Variants in PRKAR2B observed in about 807,000 individuals in gnomAD.
PRKAR2B encodes protein kinase cAMP-dependent type II regulatory subunit beta.
In PRKAR2B, 14 loss-of-function variants were observed where a neutral mutation model predicts 49.9. The ratio of observed to expected loss-of-function variants is 0.28; its 90% CI spans 0.19 to 0.44. The LOEUF (loss-of-function observed/expected upper bound fraction) is 0.44, where lower values mean the gene tolerates loss of function less well. PRKAR2B is among the 20% of genes least tolerant of loss of function. The probability of loss-of-function intolerance (pLI) is 1.00; values close to 1 mark genes in which losing one functional copy is unlikely to be tolerated. For synonymous variants in PRKAR2B, 196 were observed against 197.7 expected (o/e 0.99, Z 0.07); for missense variants, 393 against 537.9 (o/e 0.73, Z 2.67).
chr7:107,153,896 T>G (rs1048225717), intron 8 of PRKAR2B, among the ~76,000 whole-genome samples: 2 of 152,254 alleles, frequency 1.3e-5, no homozygotes, highest in Non-Finnish European at 2.9e-5. Context: ...AAATGGATTT[T>G]TAATAGATTC....
At chr7:107,094,270 G>A (rs1794793451) in intron 2 of PRKAR2B, among the ~76,000 whole-genome samples, 1 of 152,180 alleles carries the variant, frequency 6.6e-6, no homozygotes, top group Admixed American at 6.5e-5. Context: ...CAGTGATGAT[G>A]AACATTTTTT....
At chr7:107,089,806 A>G (rs1339754958) in intron 2 of PRKAR2B, among the ~76,000 whole-genome samples, 2 of 152,220 alleles carry the variant, frequency 1.3e-5, no homozygotes, top group Non-Finnish European at 1.5e-5. Context: ...ATTCTCTACT[A>G]GCACAGATAA....
rs567791710 is a variant in PRKAR2B, at chr7:107,157,224, C to T, written c.1023C>T (p.Ile341=). 5.0e-6 allele frequency: 8 copies of T among 1,614,124 alleles called. No homozygotes were observed. Among genetic ancestry groups the T allele is most frequent in the African/African-American group, 1.3e-5 (1 of 75,048 alleles). Residue 341 remains isoleucine, a synonymous_variant, in exon 10 of 11, where the codon ATC becomes ATT. Transcript: ENST00000265717. The part of the protein sequence containing the change: ...SEVEENGAVE[I]ARCSRGQYFG... ...TGGAAGAGAATGGTGCAGTAGAAAT[C>T]GCTCGATGCTCGCGGGGACAGTACT... is the stretch of plus-strand genomic sequence containing the variant.
chr7:107,064,591 G>T (rs1239689361), intron 1 of PRKAR2B, among the ~76,000 whole-genome samples: 1 of 152,196 alleles, frequency 6.6e-6, no homozygotes, highest in African/African-American at 2.4e-5. Context: ...TTCATAATCT[G>T]TGTCTCCTTG....
chr7:107,125,464 AC>A (rs1741866920), intron 3 of PRKAR2B, among the ~76,000 whole-genome samples: 1 of 152,234 alleles, frequency 6.6e-6, no homozygotes, highest in African/African-American at 2.4e-5. Context: ...CCTCTAGTAC[AC>A]TAAAATCACA....
rs187978179 is a variant in PRKAR2B at position 107,146,561 on chromosome 7, C to T, written c.741+100C>T. 8 of 1,297,866 alleles carry T rather than the reference C, an allele frequency of 6.2e-6. No homozygotes were observed. In the East Asian group the frequency reaches 1.7e-4, roughly 28 times the overall value. 80.4% of individuals were successfully genotyped at this position (1,297,866 alleles called of 1,614,324 possible). On this transcript the variant is annotated intron_variant, in intron 6 of 10. Transcript: ENST00000265717. ...TGTAGTATTTTAATTTAAAGATCAT[C>T]AGTCATCAGGTAATTTATTAAGCAG...
intron 4 of PRKAR2B, among the ~76,000 whole-genome samples, chr7:107,137,545 T>A (rs777440030): frequency 2.0e-5 from 3 of 152,208 alleles, no homozygotes; most frequent in Non-Finnish European, 4.4e-5. Context: ...TTTATAAATA[T>A]CTATATAGTA....
intron 8 of PRKAR2B, among the ~76,000 whole-genome samples, chr7:107,156,211 A>G (rs760703535): frequency 6.6e-6 from 1 of 152,164 alleles, no homozygotes; most frequent in Non-Finnish European, 1.5e-5. Flanking sequence ...TGGCACATGT[A>G]TACCTGTGTA....
intron 2 of PRKAR2B, among the ~76,000 whole-genome samples, chr7:107,118,863 T>C (rs1391179211): frequency 6.6e-6 from 1 of 152,168 alleles, no homozygotes; most frequent in African/African-American, 2.4e-5. Flanking sequence ...CTGCAAATAC[T>C]TTATTTTGAT....
intron 2 of PRKAR2B, among the ~76,000 whole-genome samples, chr7:107,114,688 A>G (rs12705403): frequency 0.4 from 60,254 of 151,704 alleles, 14,675 homozygotes; most frequent in Non-Finnish European, 0.51. Context: ...CAGTTTTAAT[A>G]AGAGGAAAAT....
chr7:107,153,661 A>T (rs1386501410), intron 8 of PRKAR2B, among the ~76,000 whole-genome samples: 1 of 152,196 alleles, frequency 6.6e-6, no homozygotes, highest in East Asian at 1.9e-4. Flanking sequence ...AACACACTGC[A>T]ACATATACTG....
At chr7:107,085,826 A>G (rs12674011) in intron 2 of PRKAR2B, among the ~76,000 whole-genome samples, 59,798 of 152,046 alleles carry the variant, frequency 0.39, 14,479 homozygotes, top group Non-Finnish European at 0.51. Context: ...GTGTATTGAA[A>G]TGTATATAAC....
intron 2 of PRKAR2B, among the ~76,000 whole-genome samples, chr7:107,101,135 A>ATTTTTTTTTTTTTTTTTTTT (rs950761298): frequency 3.2e-5 from 3 of 94,690 alleles, no homozygotes; most frequent in African/African-American, 4.2e-5. Flanking sequence ...GTTGTTGCTT[A>ATTTTTTTTTTTTTTTTTTTT]TTTTTTTTTT....
rs575880100 is a variant in PRKAR2B, at chr7:107,147,586, G to A, written c.741+1125G>A. ...AATCACCTGGGAATCCAGTTAAAAT[G>A]CAGATTCTGATTCAGTGGTTCTGGG... On this transcript the variant is annotated intron_variant, in intron 6 of 10. Coordinates refer to ENST00000265717, the MANE Select transcript of PRKAR2B (RefSeq NM_002736.3). Among the ~76,000 whole-genome samples, 3 of 152,308 alleles carry A rather than the reference G, an allele frequency of 2.0e-5. No individual in the cohort carries two copies. The South Asian group carries it at 6.2e-4, about 32-fold the overall frequency.
rs887669165 is a variant in PRKAR2B, at chr7:107,089,491, G to T, written c.343+19175G>T. On this transcript the variant is annotated intron_variant, in intron 2 of 10. Coordinates refer to ENST00000265717, the MANE Select transcript of PRKAR2B (RefSeq NM_002736.3). ...ACCAACTACTGCGTTATATATAAAT[G>T]GTCAGTAAATAAAAGTTGTTTCCAT... is the stretch of plus-strand genomic sequence containing the variant. 2.0e-5 allele frequency among the ~76,000 whole-genome samples: 3 copies of T among 152,200 alleles called. No individual in the cohort carries two copies. The South Asian group carries it at 6.2e-4, about 32-fold the overall frequency.
At chr7:107,066,273 C>A (rs1452112421) in intron 1 of PRKAR2B, among the ~76,000 whole-genome samples, 1 of 148,066 alleles carries the variant, frequency 6.8e-6, no homozygotes, top group Middle Eastern at 3.2e-3. Context: ...TTCGTTCTAT[C>A]CTAGTCTCTA....
intron 2 of PRKAR2B, among the ~76,000 whole-genome samples, chr7:107,101,454 T>C (rs1190879870): frequency 6.6e-6 from 1 of 152,180 alleles, no homozygotes; most frequent in Admixed American, 6.5e-5. Flanking sequence ...CCTAGAGATA[T>C]GTAGAGGGCT....
Position 107,125,719 on chromosome 7 carries a change from G to T in PRKAR2B, c.397-2493G>T, listed in dbSNP as rs997690475. Among the ~76,000 whole-genome samples the T allele has an allele frequency of 1.4e-4, 22 of 152,130 alleles. 1 individual carries two copies. ...GAGTGCTGAGGAGTAATGGCAGGGT[G>T]AGGGAAAAGGGAAACAGGAGGAGAG... On this transcript the variant is annotated intron_variant, in intron 3 of 10. Transcript: ENST00000265717.
chr7:107,151,317 G>T (rs909552035), intron 7 of PRKAR2B, among the ~76,000 whole-genome samples: 2 of 152,204 alleles, frequency 1.3e-5, no homozygotes, highest in Admixed American at 1.3e-4. Flanking sequence ...GTAGACAAGA[G>T]CCACTAGTTG....
Sources: gnomAD v4.1 joint callset for allele counts (sites outside exome capture counted in the v4.1 genomes callset) on GRCh38, gnomAD v4.1.1 for gene constraint, MANE v1.5 for transcripts, NCBI Gene and HGNC (gene_info 2026-07-23, HGNC 2026-07-21) for gene names.